AKAP4: variants seen among roughly 807,000 people sequenced by gnomAD.
AKAP4 encodes the protein A-kinase anchoring protein 4, also known as A-kinase anchor protein 4.
Under a neutral mutation model 42.6 loss-of-function variants are expected in AKAP4, and 4 were observed. The ratio of observed to expected loss-of-function variants is 0.09; its 90% CI spans 0.05 to 0.22. The LOEUF (loss-of-function observed/expected upper bound fraction) is 0.22. Among genes scored for constraint, AKAP4 ranks in the 10% least tolerant of loss-of-function variants. AKAP4 has a pLI of 1.00. For missense variants in AKAP4, 551 were observed against 630.7 expected (o/e 0.87, Z 1.35); for synonymous variants, 223 against 233.0 (o/e 0.96, Z 0.39).
At chrX:50,198,869 G>T in intron 1 of AKAP4, 117 bp from the exon 2 acceptor site, 1 of 522,993 alleles carries the variant, frequency 1.9e-6, no homozygotes, top group Non-Finnish European at 3.1e-6. Flanking sequence ...TTCATATATA[G>T]GTTTAGGCTA....
chrX:50,193,958 C>G lies in AKAP4; in HGVS notation c.755G>C (p.Cys252Ser). 3.3e-6 allele frequency: 4 copies of G among 1,211,466 alleles called. No homozygotes were observed. Among genetic ancestry groups the G allele is most frequent in the Non-Finnish European group, 4.5e-6 (4 of 895,358 alleles). ...TCTCTCTTTGTTCCCAGGGGATGGACAGATTGAATGATGAAGGCATTTGCT... is the reference window on the plus strand; with the variant it reads ...TCTCTCTTTGTTCCCAGGGGATGGAGAGATTGAATGATGAAGGCATTTGCT... ...GKSKCLHHSI[C>S]PSPGNKERIS... The change falls in exon 5 of 6, where the codon TGT (cysteine) becomes TCT (serine). Residue 252 changes from cysteine (C) to serine (S), a missense_variant. Transcript: ENST00000358526.
chrX:50,191,670 A>AAAGAGAGAGAG (rs1935114090), intron 5 of AKAP4, among the ~76,000 whole-genome samples: 1 of 90,020 alleles, frequency 1.1e-5, no homozygotes, highest in African/African-American at 4.3e-5. Context: ...GAGAGAGAGA[A>AAAGAGAGAGAG]AGAGAGAGAG....
rs782154789 is a variant in AKAP4 at position 50,192,444 on chromosome X, G to T, written c.2269C>A (p.His757Asn). 1 of 1,207,320 alleles carries T rather than the reference G, an allele frequency of 8.3e-7. No homozygotes were observed. The highest frequency in any genetic ancestry group is 1.1e-6 in the Non-Finnish European group (1 of 893,131). The change falls in exon 5 of 6, where the codon CAT (histidine) becomes AAT (asparagine). Residue 757 changes from histidine to asparagine, a missense_variant. Coordinates refer to ENST00000358526, the MANE Select transcript of AKAP4 (RefSeq NM_003886.3). ...CACTGATTATTGACAATTACTTCAT[G>T]TCCAAGAGAGTCTTGATAGTTCTGT... ...MPQNYQDSLG[H>N]EVIVNNQCST... is the part of the protein sequence containing the mutation.
At chrX:50,192,222 T>G in intron 5 of AKAP4, 82 bp downstream of exon 5, 2 of 856,813 alleles carry the variant, frequency 2.3e-6, no homozygotes, top group East Asian at 3.4e-5. Flanking sequence ...GAAACTCGAA[T>G]GATCTTGGGC....
In AKAP4 at chrX:50,196,989, C is replaced by T. The variant is rs782376800; in HGVS notation, c.178G>A (p.Ala60Thr). 1.7e-6 allele frequency: 2 copies of T among 1,186,503 alleles called. No individual in the cohort carries two copies. The highest frequency in any genetic ancestry group is 3.5e-5 in the African/African-American group (2 of 56,733). ...TTGCCTTCTGAGCTGGAACTAGCAGCATCCTATGGAATTAAAGGGTGAGAT... is the reference window on the plus strand; with the variant it reads ...TTGCCTTCTGAGCTGGAACTAGCAGTATCCTATGGAATTAAAGGGTGAGAT... ...LNVEDKDYKD[A>T]ASSSSEGNLN... is the part of the protein sequence containing the mutation. Residue 60 changes from alanine to threonine, a missense_variant, in exon 4 of 6, where the codon GCT becomes ACT. Coordinates refer to ENST00000358526, the MANE Select transcript of AKAP4 (RefSeq NM_003886.3).
In AKAP4 at chrX:50,198,704, C is replaced by T; in HGVS notation, c.76G>A (p.Val26Ile). ...WLRSHRGVCK[V>I]DLYNPEGQQD... Reference sequence around the variant, plus strand: ...TGTCCTTCTGGGTTGTAGAGATCTACCTTGCACACACCCCTGTGGCTGCGT... The same window carrying T: ...TGTCCTTCTGGGTTGTAGAGATCTATCTTGCACACACCCCTGTGGCTGCGT... Residue 26 changes from valine (V) to isoleucine (I), a missense_variant, in exon 2 of 6, where the codon GTA (valine) becomes ATA (isoleucine). Physicochemically the swap from Val to Ile is conservative, Grantham distance 29. Coordinates refer to ENST00000358526, the MANE Select transcript of AKAP4 (RefSeq NM_003886.3). The T allele has an allele frequency of 3.3e-6, 4 of 1,210,444 alleles. No individual in the cohort carries two copies. Among genetic ancestry groups the T allele is most frequent in the Non-Finnish European group, 3.4e-6 (3 of 894,715 alleles).
At chrX:50,192,236 A>G in intron 5 of AKAP4, 68 bp downstream of exon 5, 1 of 942,003 alleles carries the variant, frequency 1.1e-6, no homozygotes, top group African/African-American at 2.0e-5. Flanking sequence ...CTTGGGCTCT[A>G]AGTACAATGC....
rs1935160927 is a variant in AKAP4 at position 50,194,278 on chromosome X, G to A, written c.435C>T (p.Gly145=). 2 of 1,209,427 alleles carry A rather than the reference G, an allele frequency of 1.7e-6. No individual in the cohort carries two copies. The highest frequency in any genetic ancestry group is 1.1e-6 in the Non-Finnish European group (1 of 894,765). The change falls in exon 5 of 6, where the codon GGC becomes GGT. Residue 145 remains glycine, a synonymous_variant. Transcript: ENST00000358526. ...TCKHKVGDTE[G]EYHRASSENC... Reference sequence around the variant, plus strand: ...TCTCAGAGGATGCTCTGTGATATTCGCCCTCTGTGTCTCCTACTTTATGTT... The same window carrying A: ...TCTCAGAGGATGCTCTGTGATATTCACCCTCTGTGTCTCCTACTTTATGTT...
Position 50,194,198 on chromosome X carries a change from G to C in AKAP4, c.515C>G (p.Pro172Arg). The stretch of plus-strand genomic sequence containing the variant: ...TGTCATTTCTAGACGTAGGTTTTGA[G>C]GTCTGTTCATCAAATAATCTATGTT... ...QVNIDYLMNR[P>R]QNLRLEMTAA... The change falls in exon 5 of 6, where the codon CCT becomes CGT. Residue 172 changes from proline to arginine, a missense_variant. Pro to Arg is a moderately radical substitution (Grantham distance 103). Coordinates refer to ENST00000358526, the MANE Select transcript of AKAP4 (RefSeq NM_003886.3). 18 of 1,211,198 alleles carry C rather than the reference G, an allele frequency of 1.5e-5. No individual in the cohort carries two copies. The highest frequency in any genetic ancestry group is 2.0e-5 in the Non-Finnish European group (18 of 895,292).
chrX:50,192,666 G>T lies in AKAP4; in HGVS notation c.2047C>A (p.Leu683Ile). Residue 683 changes from leucine (L) to isoleucine (I), a missense_variant, in exon 5 of 6, where the codon CTT becomes ATT. Leu to Ile is a conservative substitution (Grantham distance 5). Transcript: ENST00000358526. ...TGCTTCATCCCACTGGTACAGTCAAGTTCTTGATGCTCCTGGCATTGTTCT... is the reference window on the plus strand; with the variant it reads ...TGCTTCATCCCACTGGTACAGTCAATTTCTTGATGCTCCTGGCATTGTTCT... ...AEEQCQEHQE[L>I]DCTSGMKQAN... 1 of 1,211,703 alleles carries T rather than the reference G, an allele frequency of 8.3e-7. No homozygotes were observed. The highest frequency in any genetic ancestry group is 1.8e-5 in the South Asian group (1 of 56,950).
At chrX:50,191,219 AC>A in intron 5 of AKAP4, 104 bp from the exon 6 acceptor site, 1 of 854,370 alleles carries the variant, frequency 1.2e-6, no homozygotes, top group Non-Finnish European at 1.7e-6. Context: ...TAACCTCCTC[AC>A]CCACACCCAC....
rs782708684 is a variant in AKAP4 at position 50,192,677 on chromosome X, T to G, written c.2036A>C (p.Glu679Ala). 8.3e-6 allele frequency: 10 copies of G among 1,212,020 alleles called. No homozygotes were observed. In the Admixed American group the frequency reaches 2.2e-4, roughly 26 times the overall value. The change falls in exon 5 of 6, where the codon GAG becomes GCG. Residue 679 changes from glutamate to alanine, a missense_variant. Transcript: ENST00000358526. ...RSDKAEEQCQEHQELDCTSGM... is the reference protein window; with the variant it reads ...RSDKAEEQCQAHQELDCTSGM... ...ACTGGTACAGTCAAGTTCTTGATGC[T>G]CCTGGCATTGTTCTTCCGCTTTGTC...
At chrX:50,198,039 ATATTT>A (rs1293777491) in intron 2 of AKAP4, among the ~76,000 whole-genome samples, 4 of 111,637 alleles carry the variant, frequency 3.6e-5, no homozygotes, top group African/African-American at 1.3e-4. Flanking sequence ...ATAATATAGA[ATATTT>A]TAAGTAGTGT....
Position 50,193,888 on chromosome X carries a change from G to T in AKAP4, c.825C>A (p.Ala275=). 1 of 1,211,657 alleles carries T rather than the reference G, an allele frequency of 8.3e-7. No individual in the cohort carries two copies. Among genetic ancestry groups the T allele is most frequent in the East Asian group, 3.0e-5 (1 of 33,840 alleles). ...CAGCTGTCAGTTCCACAGCTTCATA[G>T]GCCATTTCAGAAGCAATCTTGCTCG... ...TPASKIASEM[A]YEAVELTAAE... is the part of the protein sequence containing the mutation. The change falls in exon 5 of 6, where the codon GCC becomes GCA. Residue 275 remains alanine (A), a synonymous_variant. Coordinates refer to ENST00000358526, the MANE Select transcript of AKAP4 (RefSeq NM_003886.3).
chrX:50,200,757 A>G, intron 1 of AKAP4, 106 bp downstream of exon 1: 1 of 758,658 alleles, frequency 1.3e-6, no homozygotes, highest in Non-Finnish European at 2.0e-6. Context: ...ATCCCAAATA[A>G]AAGTATGAAA....
At chrX:50,194,822 C>CTG (rs200613746) in intron 4 of AKAP4, among the ~76,000 whole-genome samples, 3 of 110,841 alleles carry the variant, frequency 2.7e-5, no homozygotes, top group African/African-American at 9.8e-5. Context: ...AAATGTGCTT[C>CTG]TGTGTGTGTG....
At chrX:50,200,230 C>T in intron 1 of AKAP4, 4 of 751,697 alleles carry the variant, frequency 5.3e-6, no homozygotes, top group South Asian at 1.4e-4. Flanking sequence ...AACTCATTAC[C>T]TTGATGATGA....
rs782472198 is a variant in AKAP4, at chrX:50,199,135, T to C, written c.28-383A>G. 2.2e-3 allele frequency among the ~76,000 whole-genome samples: 239 copies of C among 110,764 alleles called. 2 individuals carry two copies. The highest frequency in any genetic ancestry group is 3.8e-3 in the Non-Finnish European group (204 of 52,992). On this transcript the variant is annotated intron_variant, in intron 1 of 5. Transcript: ENST00000358526. Reference sequence around the variant, plus strand: ...CTGATCTCCACATTTCTTTACCCCCTCGAGTACCTTCAAAAAACTCCAGCT... The same window carrying C: ...CTGATCTCCACATTTCTTTACCCCCCCGAGTACCTTCAAAAAACTCCAGCT...
chrX:50,195,260 T>C (rs1331573238), intron 4 of AKAP4, among the ~76,000 whole-genome samples: 1 of 112,231 alleles, frequency 8.9e-6, no homozygotes. Context: ...TTATATGTTA[T>C]GTCAATATTT....
Sources: allele counts gnomAD v4.1 joint callset (sites outside exome capture counted in the v4.1 genomes callset), GRCh38; gene constraint gnomAD v4.1.1; transcripts MANE v1.5; gene names NCBI Gene and HGNC (gene_info 2026-07-23, HGNC 2026-07-21).